RARB: variants seen among roughly 807,000 people sequenced by gnomAD.
RARB encodes retinoic acid receptor beta.
RARB carries 17 observed loss-of-function variants against 51.9 expected under a neutral mutation model. The ratio of observed to expected loss-of-function variants is 0.33; its 90% CI spans 0.22 to 0.49. The LOEUF (loss-of-function observed/expected upper bound fraction) is 0.49, where lower values mean the gene tolerates loss of function less well. Ranked by LOEUF, RARB falls within the 20% of genes least tolerant of loss-of-function variation. The pLI is 0.99. For missense variants in RARB, 369 were observed against 550.8 expected (o/e 0.67, Z 3.30); for synonymous variants, 215 against 195.4 (o/e 1.10, Z -0.84).
At position 25,074,821 on chromosome 3, in the gene RARB, A is replaced by C. The variant is rs1698838860; in HGVS notation, c.-328+14645A>C. Among the ~76,000 whole-genome samples, 3 of 152,258 alleles carry C rather than the reference A, an allele frequency of 2.0e-5. No homozygotes were observed. The South Asian group carries it at 6.2e-4, about 32-fold the overall frequency. On this transcript the variant is annotated intron_variant, in intron 3 of 11. Transcript: ENST00000383772. ...GTTTGAATGTGTCTTTCTTCTGCTT[A>C]ATCTGAGCTATAGGGTCACTGGGGC...
At chr3:25,207,088 T>C (rs1369501064) in intron 5 of RARB, among the ~76,000 whole-genome samples, 1 of 152,218 alleles carries the variant, frequency 6.6e-6, no homozygotes, top group Non-Finnish European at 1.5e-5. Flanking sequence ...TTTTTAGAAA[T>C]AAATTATCAG....
intron 3 of RARB, among the ~76,000 whole-genome samples, chr3:25,525,412 CT>C: frequency 6.6e-6 from 1 of 152,218 alleles, no homozygotes; most frequent in Non-Finnish European, 1.5e-5. Context: ...GCCTCCCATA[CT>C]CAAAAACAAG....
At chr3:25,444,799 G>A (rs574686161) in intron 1 of RARB, among the ~76,000 whole-genome samples, 20 of 152,262 alleles carry the variant, frequency 1.3e-4, no homozygotes, top group African/African-American at 3.9e-4. Context: ...ATTCACATTT[G>A]GGCTCCGGTA....
Position 25,530,505 on chromosome 3 carries a change from T to C in RARB, c.448+29182T>C, listed in dbSNP as rs368705007. ...GGAGGCTCTAGGGGAGAAACCACTTTCTTGTCATTTCCAGCTCCTAGAAGC... is the reference window on the plus strand; with the variant it reads ...GGAGGCTCTAGGGGAGAAACCACTTCCTTGTCATTTCCAGCTCCTAGAAGC... On this transcript the variant is annotated intron_variant, in intron 3 of 7. Transcript: ENST00000330688. Among the ~76,000 whole-genome samples, 84 of 152,336 alleles carry C rather than the reference T, an allele frequency of 5.5e-4. No homozygotes were observed. The South Asian group carries it at 0.017, about 31-fold the overall frequency.
At chr3:25,118,111 T>C (rs1008761318) in intron 3 of RARB, among the ~76,000 whole-genome samples, 6 of 152,154 alleles carry the variant, frequency 3.9e-5, no homozygotes, top group African/African-American at 7.2e-5. Flanking sequence ...CTGCCTGATA[T>C]TGAGACCAAA....
intron 5 of RARB, among the ~76,000 whole-genome samples, chr3:25,213,950 C>G (rs1028373748): frequency 1.3e-5 from 2 of 152,038 alleles, no homozygotes; most frequent in Non-Finnish European, 2.9e-5. Flanking sequence ...TTATATATTT[C>G]TAGACATGCT....
At chr3:24,927,891 C>T (rs149324849) in intron 2 of RARB, among the ~76,000 whole-genome samples, 7 of 152,066 alleles carry the variant, frequency 4.6e-5, no homozygotes, top group African/African-American at 9.6e-5. Context: ...TACTGTGCTC[C>T]GCAGCAAAAG....
intron 2 of RARB, among the ~76,000 whole-genome samples, chr3:24,903,323 A>G (rs537196613): frequency 3.4e-4 from 52 of 152,244 alleles, no homozygotes; most frequent in African/African-American, 1.2e-3. Flanking sequence ...GAAGGGAAAC[A>G]CTAGTATAAG....
chr3:24,932,170 C>T (rs1386476021), intron 2 of RARB, among the ~76,000 whole-genome samples: 1 of 151,980 alleles, frequency 6.6e-6, no homozygotes, highest in East Asian at 1.9e-4. Flanking sequence ...CTTCAAAGTT[C>T]GTCGGCCCTT....
chr3:25,338,253 C>G (rs1705124485), intron 5 of RARB, among the ~76,000 whole-genome samples: 1 of 152,290 alleles, frequency 6.6e-6, no homozygotes, highest in South Asian at 2.1e-4. Context: ...TCTTTTGCAG[C>G]AGGCATCCCA....
intron 5 of RARB, among the ~76,000 whole-genome samples, chr3:25,328,774 C>A (rs1000279858): frequency 6.6e-6 from 1 of 152,130 alleles, no homozygotes; most frequent in Non-Finnish European, 1.5e-5. Flanking sequence ...CCTTTCCTAG[C>A]CAAGGGAAGC....
chr3:25,156,669 C>T (rs1045825954), intron 4 of RARB, among the ~76,000 whole-genome samples: 2 of 151,284 alleles, frequency 1.3e-5, no homozygotes, highest in African/African-American at 4.9e-5. Context: ...GTTCCTACAA[C>T]ACATTAAAAA....
chr3:25,054,937 C>A (rs1003639914), intron 2 of RARB, among the ~76,000 whole-genome samples: 14 of 152,030 alleles, frequency 9.2e-5, no homozygotes, highest in Non-Finnish European at 8.8e-5. Flanking sequence ...GAGACAAAAG[C>A]AATTAATACT....
chr3:25,201,853 T>G (rs1274645194), intron 5 of RARB, among the ~76,000 whole-genome samples: 1 of 152,238 alleles, frequency 6.6e-6, no homozygotes, highest in African/African-American at 2.4e-5. Context: ...CTGAGGATTT[T>G]TGCATCGATG....
intron 1 of RARB, among the ~76,000 whole-genome samples, chr3:24,854,097 G>A (rs1702601385): frequency 2.6e-5 from 4 of 152,074 alleles, no homozygotes; most frequent in Non-Finnish European, 5.9e-5. Flanking sequence ...AATAGAGAAT[G>A]CAGAGACTTG....
At chr3:25,351,791 C>T (rs954909801) in intron 5 of RARB, among the ~76,000 whole-genome samples, 1 of 152,166 alleles carries the variant, frequency 6.6e-6, no homozygotes, top group Admixed American at 6.5e-5. Flanking sequence ...TATGGCTACT[C>T]TACTCACAGC....
At chr3:25,250,129 C>A (rs1702675391) in intron 5 of RARB, among the ~76,000 whole-genome samples, 1 of 152,108 alleles carries the variant, frequency 6.6e-6, no homozygotes, top group South Asian at 2.1e-4. Context: ...GTACTCAGGC[C>A]TGCAGGTGGC....
At chr3:24,981,611 G>A (rs1257382016) in intron 2 of RARB, among the ~76,000 whole-genome samples, 2 of 152,080 alleles carry the variant, frequency 1.3e-5, no homozygotes, top group African/African-American at 2.4e-5. Flanking sequence ...AGGGAATCTC[G>A]TGGTCTGCTG....
intron 5 of RARB, among the ~76,000 whole-genome samples, chr3:25,302,461 A>T (rs1236818566): frequency 1.3e-5 from 2 of 152,260 alleles, no homozygotes; most frequent in Non-Finnish European, 2.9e-5. Flanking sequence ...ATGTTACAAC[A>T]TGGATAAACC....
Sources: allele counts gnomAD v4.1 joint callset (sites outside exome capture counted in the v4.1 genomes callset), GRCh38; gene constraint gnomAD v4.1.1; transcripts MANE v1.5; gene names NCBI Gene and HGNC (gene_info 2026-07-23, HGNC 2026-07-21).